The following IFT172 variants were observed in gnomAD, a reference collection of about 807,000 sequenced individuals.
The protein encoded by IFT172 is intraflagellar transport 172, also known as intraflagellar transport protein 172 homolog.
Under a neutral mutation model 248.9 loss-of-function variants are expected in IFT172, and 164 were observed. The observed-to-expected ratio is 0.66, with a 90% CI of 0.58 to 0.75. IFT172 has a LOEUF of 0.75. IFT172 is among the 30% of genes least tolerant of loss of function. The probability of loss-of-function intolerance (pLI) is 0.00; values close to 1 mark genes in which losing one functional copy is unlikely to be tolerated. For missense variants in IFT172, 1,950 were observed against 2,192.4 expected (o/e 0.89, Z 2.21); for synonymous variants, 729 against 791.6 (o/e 0.92, Z 1.33).
intron 19 of IFT172, 127 bp downstream of exon 19, chr2:27,462,970 G>A: frequency 8.5e-7 from 1 of 1,178,330 alleles, no homozygotes; most frequent in Non-Finnish European, 1.2e-6. Context: ...TCTGACTTGA[G>A]GGTAAAGGTG....
intron 11 of IFT172, 28 bp from the exon 12 acceptor site, chr2:27,477,640 A>G (rs373376809): frequency 1.8e-5 from 26 of 1,450,010 alleles, no homozygotes; most frequent in East Asian, 1.4e-4. Flanking sequence ...TTAAGAAGCA[A>G]TGTGGATAAA....
At chr2:27,455,899 G>A in intron 30 of IFT172, 1 of 354,068 alleles carries the variant, frequency 2.8e-6, no homozygotes, top group South Asian at 2.4e-5. Context: ...ATGCTTCACG[G>A]ACTCTGGTGC....
chr2:27,480,075 T>TTAC lies in IFT172; in HGVS notation c.859_860insGTA (p.Tyr287delinsCysAsn). 6.2e-7 allele frequency: 1 copy of TTAC among 1,613,946 alleles called. No homozygotes were observed. Among genetic ancestry groups the TTAC allele is most frequent in the Non-Finnish European group, 8.5e-7 (1 of 1,179,878 alleles). On this transcript the variant is annotated protein_altering_variant, in exon 9 of 48. Transcript: ENST00000260570. ...CTTCCAGGCCAAGGCAGTGATGGTG[T>TTAC]ATAAATTGGTAATCTCCTTGGGCTT...
chr2:27,449,261 A>G, intron 39 of IFT172, 33 bp downstream of exon 39: 3 of 1,612,848 alleles, frequency 1.9e-6, no homozygotes, highest in Non-Finnish European at 2.5e-6. Flanking sequence ...GGGAAAATGT[A>G]AAGAAAAACT....
intron 47 of IFT172, 81 bp downstream of exon 47, chr2:27,444,933 G>C: frequency 6.8e-7 from 1 of 1,461,638 alleles, no homozygotes; most frequent in Non-Finnish European, 9.4e-7. Flanking sequence ...AAAGGTATGA[G>C]CCACTGCACC....
chr2:27,465,995 G>A (rs553634613), intron 16 of IFT172, 113 bp from the exon 17 acceptor site: 170 of 1,210,018 alleles, frequency 1.4e-4, no homozygotes, highest in Admixed American at 5.8e-4. Context: ...GAGTCACAGC[G>A]GCCCTGATTT....
Position 27,489,659 on chromosome 2 carries a change from A to G in IFT172, c.-6T>C, listed in dbSNP as rs1669033010. ...CTCAGGTGCTTCAAGTGCATGACGC[A>G]CACCTGTCTTTCAGATGCTCCTAGA... On this transcript the variant is annotated 5_prime_UTR_variant, in exon 1 of 48. Transcript: ENST00000260570. 6.2e-7 allele frequency: 1 copy of G among 1,610,406 alleles called. No homozygotes were observed. Among genetic ancestry groups the G allele is most frequent in the Non-Finnish European group, 8.5e-7 (1 of 1,177,796 alleles).
rs1487736677 is a variant in IFT172 at position 27,479,412 on chromosome 2, A to G, written c.1005+97T>C. On this transcript the variant is annotated intron_variant, in intron 10 of 47. Coordinates refer to ENST00000260570, the MANE Select transcript of IFT172 (RefSeq NM_015662.3). ...CAGCTCTTCCAGAGGGATGAAGATT[A>G]AATTTGAACTATGGCTGTGGCCAGA... 6.6e-6 allele frequency: 5 copies of G among 759,092 alleles called. No individual in the cohort carries two copies. The East Asian group carries it at 1.2e-4, about 19-fold the overall frequency. 47.0% of individuals were successfully genotyped at this position (759,092 alleles called of 1,614,324 possible).
chr2:27,453,599 G>A (rs1275749790), intron 34 of IFT172, 31 bp downstream of exon 34: 10 of 1,606,268 alleles, frequency 6.2e-6, no homozygotes, highest in South Asian at 3.3e-5. Flanking sequence ...TCCCAGCCCT[G>A]CCAATGCTGC....
At position 27,484,242 on chromosome 2, in the gene IFT172, G is replaced by A. The variant is rs1439787736; in HGVS notation, c.321C>T (p.Asn107=). The A allele has an allele frequency of 1.2e-6, 2 of 1,613,894 alleles. No homozygotes were observed. Among genetic ancestry groups the A allele is most frequent in the South Asian group, 1.1e-5 (1 of 91,084 alleles). The change falls in exon 4 of 48, where the codon AAC becomes AAT. Residue 107 remains asparagine, a synonymous_variant. Coordinates refer to ENST00000260570, the MANE Select transcript of IFT172 (RefSeq NM_015662.3). ...EDWGDKKVIC[N]KFIQTSAVTC... ...TGAACTTTACCGTCTGGATGAACTT[G>A]TTGCAGATGACTTTCTTGTCACCCC...
chr2:27,480,953 C>A, intron 8 of IFT172, 93 bp downstream of exon 8: 2 of 928,330 alleles, frequency 2.2e-6, no homozygotes, highest in South Asian at 2.9e-5. Flanking sequence ...TGATTCTGCT[C>A]CAGTCTCGCA....
rs111331794 is a variant in IFT172 at position 27,451,072 on chromosome 2, G to A, written c.3952-976C>T. Among the ~76,000 whole-genome samples, 587 of 151,386 alleles carry A rather than the reference G, an allele frequency of 3.9e-3. 7 individuals are homozygous for A. Among genetic ancestry groups the A allele is most frequent in the African/African-American group, 0.013 (555 of 41,206 alleles). ...CAGTGCTGGTATAGATGGTCTTGAT[G>A]ATAACCTTTCAACACTTAAAACTCA... On this transcript the variant is annotated intron_variant, in intron 35 of 47. Transcript: ENST00000260570.
At chr2:27,478,996 T>C (rs1303868188) in intron 10 of IFT172, among the ~76,000 whole-genome samples, 1 of 152,174 alleles carries the variant, frequency 6.6e-6, no homozygotes, top group Non-Finnish European at 1.5e-5. Context: ...ACCTTATGCC[T>C]GGTGCTTAAA....
chr2:27,455,251 A>G, intron 30 of IFT172: 1 of 352,662 alleles, frequency 2.8e-6, no homozygotes, highest in Non-Finnish European at 5.4e-6. Context: ...TGTGCTCCAA[A>G]GTCATCGTCT....
At position 27,484,189 on chromosome 2, in the gene IFT172, G is replaced by C. The variant is rs779503639; in HGVS notation, c.336+38C>G. On this transcript the variant is annotated intron_variant, in intron 4 of 47. Coordinates refer to ENST00000260570, the MANE Select transcript of IFT172 (RefSeq NM_015662.3). ...TAAGTAGATATACTGATATATGTTT[G>C]TTCATCCTAAGGTTCCAGGGACTGG... The C allele has an allele frequency of 2.5e-6, 4 of 1,613,108 alleles. No individual in the cohort carries two copies. The East Asian group carries it at 6.7e-5, about 27-fold the overall frequency.
Position 27,481,182 on chromosome 2 carries a change from G to T in IFT172, c.649C>A (p.Arg217=). 1 of 1,613,072 alleles carries T rather than the reference G, an allele frequency of 6.2e-7. No homozygotes were observed. Residue 217 remains arginine (R), a synonymous_variant, in exon 8 of 48, where the codon CGG becomes AGG. Transcript: ENST00000260570. ...TNSIVAAGCD[R]KIVAYGKEGH... ...TCTTTTCCATAGGCTACAATTTTCC[G>T]ATCACAGCCTGCAGCCACGATGCTA...
chr2:27,485,189 A>G, intron 2 of IFT172, 59 bp from the exon 3 acceptor site: 2 of 1,434,772 alleles, frequency 1.4e-6, no homozygotes, highest in South Asian at 1.2e-5. Flanking sequence ...CATGAAAGAG[A>G]AAAGAGAAAA....
In IFT172 at chr2:27,445,094, G is replaced by C. The variant is rs765709301; in HGVS notation, c.5080C>G (p.Leu1694Val). 8.7e-6 allele frequency: 14 copies of C among 1,613,928 alleles called. No individual in the cohort carries two copies. Among genetic ancestry groups the C allele is most frequent in the South Asian group, 4.4e-5 (4 of 91,074 alleles). The stretch of plus-strand genomic sequence containing the variant: ...CGCTTAAATTCAATTTTGTTCCTCA[G>C]AATGGGGTATCCTGTGGAGGAAGAA... ...LPCLITGYPI[L>V]RNKIEFKRPG... The change falls in exon 47 of 48, where the codon CTG (leucine) becomes GTG (valine). Residue 1694 changes from leucine (L) to valine (V), a missense_variant. Leu to Val is a conservative substitution (Grantham distance 32). Coordinates refer to ENST00000260570, the MANE Select transcript of IFT172 (RefSeq NM_015662.3). This position sits in a 1 kb window ranked among gnomAD's most constrained non-coding sequence, Gnocchi z 4.4.
At chr2:27,466,844 T>A (rs1223981456) in intron 16 of IFT172, among the ~76,000 whole-genome samples, 3 of 151,426 alleles carry the variant, frequency 2.0e-5, no homozygotes, top group African/African-American at 7.3e-5. Flanking sequence ...AGACCTCATC[T>A]CTACTGAAAG....
Sources: gnomAD v4.1 joint callset for allele counts (sites outside exome capture counted in the v4.1 genomes callset) on GRCh38, gnomAD v4.1.1 for gene constraint, Gnocchi (gnomAD v3.1) non-coding constraint, MANE v1.5 for transcripts, NCBI Gene and HGNC (gene_info 2026-07-23, HGNC 2026-07-21) for gene names.